The following ZBTB7C variants were observed in gnomAD, a reference collection of about 807,000 sequenced individuals.
The protein encoded by ZBTB7C is zinc finger and BTB domain containing 7C, also known as zinc finger and BTB domain-containing protein 7C.
Under a neutral mutation model 25.7 loss-of-function variants are expected in ZBTB7C, and 8 were observed. The observed-to-expected ratio is 0.31, with a 90% CI of 0.18 to 0.56. ZBTB7C has a LOEUF of 0.56. Ranked by LOEUF, ZBTB7C falls within the 20% of genes least tolerant of loss-of-function variation. The probability of loss-of-function intolerance (pLI) is 0.91; values close to 1 mark genes in which losing one functional copy is unlikely to be tolerated. For missense variants in ZBTB7C, 824 were observed against 855.2 expected (o/e 0.96, Z 0.46); for synonymous variants, 394 against 369.0 (o/e 1.07, Z -0.78).
intron 2 of ZBTB7C, among the ~76,000 whole-genome samples, chr18:48,265,310 G>A (rs1304721049): frequency 7.2e-5 from 11 of 152,110 alleles, no homozygotes; most frequent in Non-Finnish European, 1.5e-5. Context: ...TTCTCTTATT[G>A]CAATAGTTTC....
At chr18:48,068,030 C>T (rs2037395374) in intron 3 of ZBTB7C, among the ~76,000 whole-genome samples, 1 of 152,098 alleles carries the variant, frequency 6.6e-6, no homozygotes, top group South Asian at 2.1e-4. Context: ...CTCCCTCTCT[C>T]TCTCCTTTTC....
intron 2 of ZBTB7C, among the ~76,000 whole-genome samples, chr18:48,293,847 G>A (rs548836963): frequency 2.1e-5 from 3 of 145,304 alleles, no homozygotes; most frequent in East Asian, 3.9e-4. Context: ...CAAATTCCTG[G>A]CCTCAAGCAA....
chr18:48,029,372 G>T lies in ZBTB7C; in HGVS notation c.1748C>A (p.Ala583Glu). ...CAGCGGGAAGTAGGGCCGCGCCGCC[G>T]CCACGTTCTCGGCCAGCGCGAAGGC... ...LLAFALAENV[A>E]AARPYFPLPD... is the part of the protein sequence containing the mutation. The change falls in exon 5 of 5, where the codon GCG becomes GAG. Residue 583 changes from alanine (A) to glutamate (E), a missense_variant. Transcript: ENST00000590800. 6.4e-7 allele frequency: 1 copy of T among 1,552,498 alleles called. No individual in the cohort carries two copies.
chr18:48,303,022 G>T (rs761602421), intron 2 of ZBTB7C, among the ~76,000 whole-genome samples: 69 of 152,314 alleles, frequency 4.5e-4, no homozygotes, highest in Middle Eastern at 3.4e-3. Flanking sequence ...AGCAGGCCAG[G>T]CTGCCAAAGC....
Position 48,027,073 on chromosome 18 carries a change from G to C in ZBTB7C, c.*2187C>G, listed in dbSNP as rs2035548128. The C allele has an allele frequency of 7.0e-6, 1 of 143,360 alleles. No individual in the cohort carries two copies. The highest frequency in any genetic ancestry group is 1.5e-5 in the Non-Finnish European group (1 of 66,398). The allele number at this position is 143,360 out of a possible 1,614,324, so 8.9% of individuals were successfully genotyped here. ...AGTTATAAATAGAAAAAATTCCAAA[G>C]TTCTCCCACAGACAGACAGGGAAAT... On this transcript the variant is annotated 3_prime_UTR_variant, in exon 5 of 5. Transcript: ENST00000590800.
intron 3 of ZBTB7C, among the ~76,000 whole-genome samples, chr18:48,140,104 A>G (rs988801814): frequency 6.6e-5 from 10 of 152,212 alleles, no homozygotes; most frequent in Non-Finnish European, 1.5e-4. Context: ...TACTTCAACC[A>G]CCGAGCATGG....
intron 2 of ZBTB7C, among the ~76,000 whole-genome samples, chr18:48,337,396 C>A (rs1436739098): frequency 6.6e-6 from 1 of 152,202 alleles, no homozygotes; most frequent in Non-Finnish European, 1.5e-5. Context: ...ACAGGCTGTG[C>A]CATTGGATCA....
intron 3 of ZBTB7C, among the ~76,000 whole-genome samples, chr18:48,075,029 C>T (rs759801855): frequency 2.6e-5 from 4 of 152,180 alleles, no homozygotes; most frequent in Non-Finnish European, 5.9e-5. Context: ...AATAGGTCAT[C>T]TATCAAAGTG....
intron 2 of ZBTB7C, among the ~76,000 whole-genome samples, chr18:48,193,440 A>G (rs1230548106): frequency 6.6e-6 from 1 of 152,166 alleles, no homozygotes; most frequent in Non-Finnish European, 1.5e-5. Flanking sequence ...TGAATTAAAT[A>G]GTAATTATTT....
intron 3 of ZBTB7C, among the ~76,000 whole-genome samples, chr18:48,077,333 G>C (rs151222204): frequency 1.3e-5 from 2 of 152,274 alleles, no homozygotes; most frequent in African/African-American, 4.8e-5. Flanking sequence ...GTAAGTGGAG[G>C]GGGTAATGAA....
intron 3 of ZBTB7C, among the ~76,000 whole-genome samples, chr18:48,166,668 T>G (rs573129125): frequency 6.6e-6 from 1 of 151,918 alleles, no homozygotes; most frequent in East Asian, 1.9e-4. Context: ...AAAAAGGAGT[T>G]TCCAGCAGGG....
At chr18:48,255,403 T>C (rs927105400) in intron 2 of ZBTB7C, among the ~76,000 whole-genome samples, 4 of 152,200 alleles carry the variant, frequency 2.6e-5, no homozygotes, top group African/African-American at 9.7e-5. Context: ...ATAAAATTTC[T>C]AAGAGGCCAT....
upstream of ZBTB7C, among the ~76,000 whole-genome samples, chr18:48,410,274 G>C (rs1008576688): frequency 1.3e-5 from 2 of 151,880 alleles, no homozygotes; most frequent in South Asian, 2.1e-4. Flanking sequence ...GCTCGGCGGC[G>C]CTGCGGCCCG....
At chr18:48,314,663 T>C (rs2045906390) in intron 2 of ZBTB7C, among the ~76,000 whole-genome samples, 1 of 152,010 alleles carries the variant, frequency 6.6e-6, no homozygotes, top group South Asian at 2.1e-4. Context: ...AGCAGCCTCT[T>C]CCAGAAATCC....
At chr18:48,078,288 G>A (rs2037850927) in intron 3 of ZBTB7C, among the ~76,000 whole-genome samples, 2 of 152,260 alleles carry the variant, frequency 1.3e-5, no homozygotes, top group African/African-American at 2.4e-5. Flanking sequence ...CAAAGGTTCT[G>A]TGTCTAACAT....
intron 2 of ZBTB7C, among the ~76,000 whole-genome samples, chr18:48,293,277 C>A (rs1568357470): frequency 6.6e-6 from 1 of 152,178 alleles, no homozygotes; most frequent in Non-Finnish European, 1.5e-5. Context: ...TGCATGCACA[C>A]AAAGAGATGT....
At chr18:48,327,504 G>A (rs1464343017) in intron 2 of ZBTB7C, among the ~76,000 whole-genome samples, 1 of 152,210 alleles carries the variant, frequency 6.6e-6, no homozygotes, top group African/African-American at 2.4e-5. Context: ...ACAGCCATGA[G>A]CACACTTGAT....
chr18:48,354,187 T>TTTTG (rs891876529), intron 1 of ZBTB7C, among the ~76,000 whole-genome samples: 4 of 152,130 alleles, frequency 2.6e-5, no homozygotes, highest in Non-Finnish European at 4.4e-5. Flanking sequence ...GTTTTGTGGT[T>TTTTG]TTTGTTTGTT....
intron 2 of ZBTB7C, among the ~76,000 whole-genome samples, chr18:48,211,992 C>T (rs2042713261): frequency 6.6e-6 from 1 of 152,128 alleles, no homozygotes; most frequent in African/African-American, 2.4e-5. Flanking sequence ...TAGAGACATG[C>T]TAAAAAGACA....
Sources: allele counts gnomAD v4.1 joint callset (sites outside exome capture counted in the v4.1 genomes callset), GRCh38; gene constraint gnomAD v4.1.1; transcripts MANE v1.5; gene names NCBI Gene and HGNC (gene_info 2026-07-23, HGNC 2026-07-21).